The following PDE1B variants were observed in gnomAD, a reference collection of about 807,000 sequenced individuals.
PDE1B encodes dual specificity calcium/calmodulin-dependent 3',5'-cyclic nucleotide phosphodiesterase 1B.
In PDE1B, 13 loss-of-function variants were observed where a neutral mutation model predicts 66.7. That is an observed-to-expected ratio of 0.19 (90% CI 0.13 to 0.31). The LOEUF (loss-of-function observed/expected upper bound fraction) is 0.31, where lower values mean the gene tolerates loss of function less well. PDE1B is among the 10% of genes least tolerant of loss of function. PDE1B has a pLI of 1.00. For synonymous variants in PDE1B, 230 were observed against 253.9 expected (o/e 0.91, Z 0.90); for missense variants, 485 against 682.3 (o/e 0.71, Z 3.22).
At chr12:54,577,633 G>T in intron 15 of PDE1B, 1 of 1,372,818 alleles carries the variant, frequency 7.3e-7, no homozygotes, top group South Asian at 1.6e-5. Flanking sequence ...GCACCTTAGG[G>T]AGGGTTAGGG....
At chr12:54,571,020 T>C (rs960954896) in intron 6 of PDE1B, 1 of 152,056 alleles carries the variant, frequency 6.6e-6, no homozygotes, top group Non-Finnish European at 1.5e-5. Context: ...GTGAGGGAGG[T>C]TGAAGAGCCG....
intron 15 of PDE1B, chr12:54,577,559 G>A: frequency 6.5e-7 from 1 of 1,534,584 alleles, no homozygotes; most frequent in South Asian, 1.3e-5. Context: ...GAACAAAGGA[G>A]GTACCTTCTC....
In PDE1B at chr12:54,575,459, A is replaced by T. The variant is rs535056412; in HGVS notation, c.1186-92A>T. 12 of 903,598 alleles carry T rather than the reference A, an allele frequency of 1.3e-5. No individual in the cohort carries two copies. The African/African-American group carries it at 1.6e-4, about 12-fold the overall frequency. 56.0% of individuals were successfully genotyped at this position (903,598 alleles called of 1,614,324 possible). A position where few individuals can be genotyped will look rare whatever the true frequency, so the allele number is the denominator to read the frequency against. On this transcript the variant is annotated intron_variant, in intron 11 of 15. Transcript: ENST00000243052. This position sits in a 1 kb window ranked among gnomAD's most constrained non-coding sequence, Gnocchi z 4.0. ...CAACAGTGCAGAAATTTCACACAAC[A>T]ACCCCCCACCCCCACCACTTGCCAC...
Position 54,575,361 on chromosome 12 carries a change from A to G in PDE1B, c.1185+143A>G, listed in dbSNP as rs1159636762. ...TCCCAAATCCTTGGGGTAAAACCCC[A>G]TTATCCTAAAAGCCTAACAATAGTT... On this transcript the variant is annotated intron_variant, in intron 11 of 15. Transcript: ENST00000243052. This position sits in a 1 kb window ranked among gnomAD's most constrained non-coding sequence, Gnocchi z 4.0. The G allele has an allele frequency of 3.7e-6, 3 of 810,558 alleles. No individual in the cohort carries two copies. The highest frequency in any genetic ancestry group is 1.7e-5 in the African/African-American group (1 of 59,002). The allele number at this position is 810,558 out of a possible 1,614,324, so 50.2% of individuals were successfully genotyped here. A position where few individuals can be genotyped will look rare whatever the true frequency, so the allele number is the denominator to read the frequency against.
At position 54,549,906 on chromosome 12, in the gene PDE1B, C is replaced by T. The variant is rs1191559889; in HGVS notation, c.34C>T (p.Leu12=). ...ELSPRSPPEM[L]EESDCPSPLE... The stretch of plus-strand genomic sequence containing the variant: ...GTCCCCCCGCAGTCCTCCGGAGATG[C>T]TGGAGGAGTCGGATTGCCCGTCACC... The change falls in exon 2 of 16, where the codon CTG becomes TTG. Residue 12 remains leucine (L), a synonymous_variant. Coordinates refer to ENST00000243052, the MANE Select transcript of PDE1B (RefSeq NM_000924.4). 6.2e-7 allele frequency: 1 copy of T among 1,614,030 alleles called. No homozygotes were observed. Among genetic ancestry groups the T allele is most frequent in the Non-Finnish European group, 8.5e-7 (1 of 1,179,980 alleles).
intron 2 of PDE1B, chr12:54,561,785 C>A: frequency 2.1e-6 from 1 of 467,868 alleles, no homozygotes; most frequent in Non-Finnish European, 3.8e-6. Flanking sequence ...TGTGTGTGCG[C>A]GTGCCAACTT....
chr12:54,551,508 T>C (rs1010606532), intron 2 of PDE1B, among the ~76,000 whole-genome samples: 2 of 151,976 alleles, frequency 1.3e-5, no homozygotes, highest in African/African-American at 4.8e-5. Flanking sequence ...TAATGGTAAA[T>C]GAGCTGGGGA....
chr12:54,576,829 A>G (rs927994605), intron 14 of PDE1B, 128 bp downstream of exon 14: 26 of 958,138 alleles, frequency 2.7e-5, no homozygotes, highest in Non-Finnish European at 4.1e-5. Flanking sequence ...AGTGGAGCTG[A>G]TCAGACCAGT....
At chr12:54,571,496 G>A (rs897532429) in intron 6 of PDE1B, 5 of 152,202 alleles carry the variant, frequency 3.3e-5, no homozygotes, top group Admixed American at 1.3e-4. Context: ...TACCTGGAAG[G>A]ACTGGGTCTG....
chr12:54,562,777 C>T (rs1957441380), intron 2 of PDE1B, among the ~76,000 whole-genome samples: 1 of 152,208 alleles, frequency 6.6e-6, no homozygotes, highest in Admixed American at 6.5e-5. Flanking sequence ...GTGCTTTCAG[C>T]TGCTTGAGTC....
chr12:54,564,965 C>T (rs904804982), intron 2 of PDE1B, among the ~76,000 whole-genome samples: 1 of 152,194 alleles, frequency 6.6e-6, no homozygotes, highest in Non-Finnish European at 1.5e-5. Context: ...TCCTTCCCCG[C>T]CTCCCTTCTT....
chr12:54,570,449 T>A (rs1182962945), intron 6 of PDE1B, 92 bp downstream of exon 6: 2 of 777,182 alleles, frequency 2.6e-6, no homozygotes, highest in South Asian at 2.8e-5. Context: ...ATTCCATAGA[T>A]CCCCTCACTC....
chr12:54,575,586 T>C lies in PDE1B; in HGVS notation c.1221T>C (p.Ser407=). 8.7e-6 allele frequency: 14 copies of C among 1,613,502 alleles called. No individual in the cohort carries two copies. Among genetic ancestry groups the C allele is most frequent in the Non-Finnish European group, 1.2e-5 (14 of 1,179,692 alleles). The stretch of plus-strand genomic sequence containing the variant: ...AGGCAGAGTTGGGCCTGCCCTTTTC[T>C]CCACTCTGTGACCGCACTTCCACTC... ...DKEAELGLPF[S]PLCDRTSTLV... is the part of the protein sequence containing the mutation. Residue 407 remains serine (S), a synonymous_variant, in exon 12 of 16, where the codon TCT becomes TCC. Transcript: ENST00000243052. The surrounding 1 kb of genome is among the most constrained non-coding windows in gnomAD (Gnocchi z 4.0).
intron 2 of PDE1B, among the ~76,000 whole-genome samples, chr12:54,555,274 A>G (rs1203727089): frequency 6.6e-6 from 1 of 152,188 alleles, no homozygotes; most frequent in Non-Finnish European, 1.5e-5. Flanking sequence ...CCCTTCGGAC[A>G]TTTATCCCAA....
chr12:54,577,697 C>T (rs923816484), intron 15 of PDE1B, among the ~76,000 whole-genome samples, 163 bp from the exon 16 acceptor site: 13 of 152,208 alleles, frequency 8.5e-5, no homozygotes, highest in African/African-American at 2.2e-4. Flanking sequence ...AACGTGACTT[C>T]GACTTCAGCC....
At position 54,549,791 on chromosome 12, in the gene PDE1B, G is replaced by C. The variant is rs551146028; in HGVS notation, c.-14+19G>C. On this transcript the variant is annotated intron_variant, in intron 1 of 15. Transcript: ENST00000243052. ...GCCGCAGGTGGGAAGGGCCTGGGATGGGGGGTGAGGGTCTCTCGGCTGGGG... is the reference window on the plus strand; with the variant it reads ...GCCGCAGGTGGGAAGGGCCTGGGATCGGGGGTGAGGGTCTCTCGGCTGGGG... 4 of 1,089,720 alleles carry C rather than the reference G, an allele frequency of 3.7e-6. No individual in the cohort carries two copies. The African/African-American group carries it at 4.6e-5, about 13-fold the overall frequency. 67.5% of individuals were successfully genotyped at this position (1,089,720 alleles called of 1,614,324 possible).
rs1317110127 is a variant in PDE1B at position 54,569,959 on chromosome 12, C to CA, written c.478-279dup. On this transcript the variant is annotated intron_variant, in intron 5 of 15. Coordinates refer to ENST00000243052, the MANE Select transcript of PDE1B (RefSeq NM_000924.4). The surrounding 1 kb of genome is among the most constrained non-coding windows in gnomAD (Gnocchi z 4.4). ...AAGTGTTCTGCCCACCTCGGTCTCC[C>CA]AAAGTATTGGGATTACAGACGTGAG... is the stretch of plus-strand genomic sequence containing the variant. Among the ~76,000 whole-genome samples, 1 of 152,148 alleles carries CA rather than the reference C, an allele frequency of 6.6e-6. No homozygotes were observed. Among genetic ancestry groups the CA allele is most frequent in the Non-Finnish European group, 1.5e-5 (1 of 68,022 alleles).
Position 54,575,028 on chromosome 12 carries a change from T to G in PDE1B, c.1065-70T>G, listed in dbSNP as rs1957707296. The G allele has an allele frequency of 7.1e-7, 1 of 1,416,138 alleles. No individual in the cohort carries two copies. Among genetic ancestry groups the G allele is most frequent in the African/African-American group, 1.4e-5 (1 of 69,926 alleles). 87.7% of individuals were successfully genotyped at this position (1,416,138 alleles called of 1,614,324 possible). On this transcript the variant is annotated intron_variant, in intron 10 of 15. Transcript: ENST00000243052. The surrounding 1 kb of genome is among the most constrained non-coding windows in gnomAD (Gnocchi z 4.0). The stretch of plus-strand genomic sequence containing the variant: ...TATGTGATAGGGTGTGCGTGGGAAG[T>G]TAGGGAATGGTCCTAACTTCCTTTT...
Position 54,576,708 on chromosome 12 carries a change from AC to A in PDE1B, c.1507+9del. On this transcript the variant is annotated splice_region_variant and intron_variant, in intron 14 of 15. Transcript: ENST00000243052. ...AAGGAACGGGCAGCAAGTGGTGGGTACCATGGCAGAGGGCAGGGGTGAGAAC... is the reference window on the plus strand; with the variant it reads ...AAGGAACGGGCAGCAAGTGGTGGGTACATGGCAGAGGGCAGGGGTGAGAAC... 1 of 1,598,550 alleles carries A rather than the reference AC, an allele frequency of 6.3e-7. No homozygotes were observed. The highest frequency in any genetic ancestry group is 8.5e-7 in the Non-Finnish European group (1 of 1,171,812).
Sources: allele counts gnomAD v4.1 joint callset (sites outside exome capture counted in the v4.1 genomes callset), GRCh38; gene constraint gnomAD v4.1.1; non-coding constraint Gnocchi (gnomAD v3.1); transcripts MANE v1.5; gene names NCBI Gene and HGNC (gene_info 2026-07-23, HGNC 2026-07-21).